Variants in CNTNAP5 observed in about 807,000 individuals in gnomAD.
CNTNAP5 encodes contactin-associated protein-like 5.
A neutral mutation model predicts 150.2 loss-of-function variants in CNTNAP5; 72 were observed. The observed-to-expected ratio is 0.48, with a 90% CI of 0.40 to 0.58. The LOEUF (loss-of-function observed/expected upper bound fraction) is 0.58. CNTNAP5 is among the 20% of genes least tolerant of loss of function. The pLI is 0.00. For missense variants in CNTNAP5, 1,636 were observed against 1,626.2 expected (o/e 1.01, Z -0.10); for synonymous variants, 672 against 619.8 (o/e 1.08, Z -1.25).
chr2:124,537,856 C>T (rs370066160), intron 10 of CNTNAP5, among the ~76,000 whole-genome samples: 1 of 152,142 alleles, frequency 6.6e-6, no homozygotes, highest in Non-Finnish European at 1.5e-5. Context: ...AATGGTCCTT[C>T]TCCACCTGTG....
intron 12 of CNTNAP5, among the ~76,000 whole-genome samples, chr2:124,621,884 G>A (rs989707163): frequency 6.6e-6 from 1 of 152,160 alleles, no homozygotes; most frequent in Admixed American, 6.5e-5. Flanking sequence ...TACGTGATTT[G>A]TATCTGTAAT....
chr2:124,808,099 C>T (rs1198405643), intron 19 of CNTNAP5, among the ~76,000 whole-genome samples: 1 of 152,154 alleles, frequency 6.6e-6, no homozygotes, highest in East Asian at 1.9e-4. Flanking sequence ...CAGCCAAATC[C>T]CACAGCCACT....
intron 4 of CNTNAP5, among the ~76,000 whole-genome samples, chr2:124,418,266 A>G (rs989499780): frequency 1.1e-4 from 17 of 152,162 alleles, no homozygotes; most frequent in African/African-American, 3.9e-4. Flanking sequence ...GCAGTGACAT[A>G]TTCTGCTTAT....
At chr2:124,379,093 C>T (rs928435225) in intron 3 of CNTNAP5, among the ~76,000 whole-genome samples, 4 of 151,858 alleles carry the variant, frequency 2.6e-5, no homozygotes, top group African/African-American at 9.7e-5. Context: ...TGCATAACCT[C>T]CTTTGTTATT....
intron 1 of CNTNAP5, among the ~76,000 whole-genome samples, chr2:124,050,135 G>A (rs949598632): frequency 1.3e-5 from 2 of 152,032 alleles, no homozygotes; most frequent in Admixed American, 6.6e-5. Context: ...TTCACTCATT[G>A]ATAGATATTC....
In CNTNAP5 at chr2:124,594,291, T is replaced by C. The variant is rs1360549776; in HGVS notation, c.1757-15510T>C. Among the ~76,000 whole-genome samples the C allele has an allele frequency of 7.0e-5, 10 of 142,522 alleles. 1 individual carries two copies. Among genetic ancestry groups the C allele is most frequent in the African/African-American group, 2.6e-4 (10 of 38,812 alleles). 93.5% of individuals were successfully genotyped at this position (142,522 alleles called of 152,430 possible). On this transcript the variant is annotated intron_variant, in intron 11 of 23. Transcript: ENST00000682447. ...TTAGGTCTAACGTTTAAATCTTTAA[T>C]CCATCTTGAATTGATTTTTGTATAA...
intron 3 of CNTNAP5, among the ~76,000 whole-genome samples, chr2:124,332,250 T>C (rs1339102962): frequency 6.6e-6 from 1 of 151,454 alleles, no homozygotes; most frequent in Non-Finnish European, 1.5e-5. Flanking sequence ...CAAAAATACA[T>C]TTTCATGTCT....
chr2:124,733,195 C>T (rs892664839), intron 13 of CNTNAP5, among the ~76,000 whole-genome samples: 3 of 151,894 alleles, frequency 2.0e-5, no homozygotes, highest in Non-Finnish European at 2.9e-5. Context: ...ATTCTTCAAA[C>T]TTTGTAAAGA....
At chr2:124,528,529 A>G (rs1328844026) in intron 10 of CNTNAP5, among the ~76,000 whole-genome samples, 1 of 152,186 alleles carries the variant, frequency 6.6e-6, no homozygotes, top group Non-Finnish European at 1.5e-5. Context: ...GGCATTTGAA[A>G]TCTCTAATAG....
At chr2:124,458,270 T>C (rs551021910) in intron 6 of CNTNAP5, among the ~76,000 whole-genome samples, 66 of 125,342 alleles carry the variant, frequency 5.3e-4, no homozygotes, top group African/African-American at 2.0e-3. Context: ...ACATATACAA[T>C]ATAATATATA....
At chr2:124,264,725 G>T (rs1301136948) in intron 3 of CNTNAP5, among the ~76,000 whole-genome samples, 1 of 152,202 alleles carries the variant, frequency 6.6e-6, no homozygotes, top group African/African-American at 2.4e-5. Flanking sequence ...ATCTGCAGTG[G>T]TTTTGTGGCT....
intron 12 of CNTNAP5, among the ~76,000 whole-genome samples, chr2:124,627,248 G>A (rs1677745768): frequency 6.6e-6 from 1 of 152,158 alleles, no homozygotes; most frequent in South Asian, 2.1e-4. Flanking sequence ...GTCTTCTCAA[G>A]CGGATCCCTG....
intron 6 of CNTNAP5, among the ~76,000 whole-genome samples, chr2:124,471,690 G>A (rs1328475666): frequency 6.6e-6 from 1 of 152,024 alleles, no homozygotes; most frequent in Non-Finnish European, 1.5e-5. Context: ...GTATGCTATT[G>A]GCTGTGGGCT....
At chr2:124,897,608 G>T (rs1188714025) in intron 21 of CNTNAP5, among the ~76,000 whole-genome samples, 1 of 151,462 alleles carries the variant, frequency 6.6e-6, no homozygotes, top group African/African-American at 2.4e-5. Context: ...CTGGGTGTTA[G>T]TGAGTGAATG....
intron 22 of CNTNAP5, among the ~76,000 whole-genome samples, chr2:124,905,417 T>C (rs1411774128): frequency 6.6e-6 from 1 of 152,078 alleles, no homozygotes; most frequent in Non-Finnish European, 1.5e-5. Context: ...TTTCTGAATA[T>C]GTAACGAAAA....
intron 3 of CNTNAP5, among the ~76,000 whole-genome samples, chr2:124,405,197 G>A (rs556157552): frequency 7.2e-5 from 11 of 152,158 alleles, no homozygotes; most frequent in East Asian, 5.8e-4. Flanking sequence ...CTCATGAGGC[G>A]GCGAGACTAC....
chr2:124,477,877 G>A (rs1208181942), intron 7 of CNTNAP5, among the ~76,000 whole-genome samples: 1 of 151,846 alleles, frequency 6.6e-6, no homozygotes, highest in Non-Finnish European at 1.5e-5. Flanking sequence ...AATATTAAAG[G>A]GCATCACTAC....
chr2:124,405,809 A>G (rs1336721718), intron 3 of CNTNAP5, among the ~76,000 whole-genome samples: 1 of 152,210 alleles, frequency 6.6e-6, no homozygotes, highest in Non-Finnish European at 1.5e-5. Context: ...TATTTTGCTC[A>G]ACTAGTGTGT....
intron 3 of CNTNAP5, among the ~76,000 whole-genome samples, chr2:124,256,253 AACTTAT>A (rs1270424097): frequency 1.3e-5 from 2 of 152,194 alleles, no homozygotes; most frequent in African/African-American, 4.8e-5. Flanking sequence ...CAGAGTGAGC[AACTTAT>A]ACTTAACTCA....
Sources: gnomAD v4.1 joint callset for allele counts (sites outside exome capture counted in the v4.1 genomes callset) on GRCh38, gnomAD v4.1.1 for gene constraint, MANE v1.5 for transcripts, NCBI Gene and HGNC (gene_info 2026-07-23, HGNC 2026-07-21) for gene names.